ATF2: variants seen among roughly 807,000 people sequenced by gnomAD.
ATF2 encodes the protein cyclic AMP-dependent transcription factor ATF-2.
In ATF2, 24 loss-of-function variants were observed where a neutral mutation model predicts 60.6. The observed-to-expected ratio is 0.40, with a 90% CI of 0.29 to 0.56. ATF2 has a LOEUF of 0.56. Ranked by LOEUF, ATF2 falls within the 20% of genes least tolerant of loss-of-function variation. The pLI is 0.54. For synonymous variants in ATF2, 206 were observed against 215.4 expected (o/e 0.96, Z 0.38); for missense variants, 433 against 607.7 (o/e 0.71, Z 3.02).
chr2:175,107,826 C>G (rs1432843524), intron 10 of ATF2, among the ~76,000 whole-genome samples: 1 of 152,220 alleles, frequency 6.6e-6, no homozygotes, highest in Non-Finnish European at 1.5e-5. Context: ...GCCTCGGCCC[C>G]CCGAGGTGCC....
intron 12 of ATF2, among the ~76,000 whole-genome samples, chr2:175,091,016 T>C (rs1694510290): frequency 1.3e-5 from 2 of 152,242 alleles, no homozygotes; most frequent in African/African-American, 4.8e-5. Flanking sequence ...CAATATCTCA[T>C]TAAAAGGTAT....
chr2:175,108,031 G>A (rs956727495), intron 10 of ATF2, among the ~76,000 whole-genome samples: 4 of 150,392 alleles, frequency 2.7e-5, no homozygotes, highest in African/African-American at 4.9e-5. Context: ...GCCGCCCATC[G>A]TCTGGGATGT....
At chr2:175,160,509 T>A (rs961591218) in intron 1 of ATF2, among the ~76,000 whole-genome samples, 3 of 152,196 alleles carry the variant, frequency 2.0e-5, no homozygotes, top group African/African-American at 7.2e-5. Flanking sequence ...CTACAAAAAA[T>A]ATCCCTCGAC....
At chr2:175,162,969 T>C (rs552119378) in intron 1 of ATF2, among the ~76,000 whole-genome samples, 2 of 151,898 alleles carry the variant, frequency 1.3e-5, no homozygotes, top group African/African-American at 4.8e-5. Flanking sequence ...CCGTCTCTAC[T>C]AAAAATATTA....
intron 2 of ATF2, among the ~76,000 whole-genome samples, chr2:175,149,253 T>A (rs1699150693): frequency 6.6e-6 from 1 of 152,172 alleles, no homozygotes. Flanking sequence ...AAGTGCTGAG[T>A]TCTTCACACT....
At chr2:175,084,548 G>A (rs1472187920) in intron 12 of ATF2, among the ~76,000 whole-genome samples, 2 of 148,420 alleles carry the variant, frequency 1.3e-5, no homozygotes, top group African/African-American at 5.0e-5. Context: ...AATGCTAAAT[G>A]ACGAGTTAAT....
At chr2:175,136,893 T>C (rs1358445144) in intron 2 of ATF2, among the ~76,000 whole-genome samples, 1 of 152,068 alleles carries the variant, frequency 6.6e-6, no homozygotes, top group Non-Finnish European at 1.5e-5. Context: ...CTCAGCCTAA[T>C]TCATCAAAAT....
At chr2:175,140,497 G>A (rs900865581) in intron 2 of ATF2, among the ~76,000 whole-genome samples, 1 of 152,142 alleles carries the variant, frequency 6.6e-6, no homozygotes. Context: ...AGGAGTGGGA[G>A]GGAAGGATTA....
Position 175,084,292 on chromosome 2 carries a change from A to G in ATF2, c.1186-3527T>C, listed in dbSNP as rs1286561859. Among the ~76,000 whole-genome samples the G allele has an allele frequency of 2.6e-5, 4 of 152,118 alleles. No homozygotes were observed. In the East Asian group the frequency reaches 5.8e-4, roughly 22 times the overall value. The stretch of plus-strand genomic sequence containing the variant: ...GATTAAGAAAATGTGGCACATATAC[A>G]CCATGGAATACTATGCAGCCATAAA... On this transcript the variant is annotated intron_variant, in intron 12 of 13. Coordinates refer to ENST00000264110, the MANE Select transcript of ATF2 (RefSeq NM_001880.4).
At chr2:175,147,505 A>T (rs1330659460) in intron 2 of ATF2, among the ~76,000 whole-genome samples, 1 of 152,214 alleles carries the variant, frequency 6.6e-6, no homozygotes, top group Non-Finnish European at 1.5e-5. Context: ...CACGTACTCA[A>T]GTTTCCAAAC....
chr2:175,098,651 C>T (rs1695103419), intron 10 of ATF2, among the ~76,000 whole-genome samples: 1 of 152,122 alleles, frequency 6.6e-6, no homozygotes, highest in African/African-American at 2.4e-5. Flanking sequence ...GTGTTAAGAA[C>T]ACATATTCTT....
chr2:175,104,332 T>C (rs928887872), intron 10 of ATF2, among the ~76,000 whole-genome samples: 5 of 152,204 alleles, frequency 3.3e-5, no homozygotes, highest in African/African-American at 1.2e-4. Context: ...CATAAAGGTC[T>C]AATAAATTCT....
intron 4 of ATF2, among the ~76,000 whole-genome samples, chr2:175,128,046 T>C (rs1697463681): frequency 1.3e-5 from 2 of 152,078 alleles, no homozygotes; most frequent in Admixed American, 6.6e-5. Flanking sequence ...AGCATAAAAG[T>C]TGACAGAGTG....
intron 4 of ATF2, chr2:175,127,207 C>T (rs1697397019): frequency 6.6e-6 from 1 of 152,254 alleles, no homozygotes; most frequent in Admixed American, 6.6e-5. Context: ...CTACTGCACT[C>T]CAGCCCGGGT....
At chr2:175,093,677 T>C (rs1559058393) in intron 11 of ATF2, among the ~76,000 whole-genome samples, 1 of 152,178 alleles carries the variant, frequency 6.6e-6, no homozygotes, top group Admixed American at 6.5e-5. Context: ...CCTATTTAAA[T>C]TCATGATAGA....
chr2:175,138,303 TG>T (rs1698271489), intron 2 of ATF2, among the ~76,000 whole-genome samples: 1 of 152,206 alleles, frequency 6.6e-6, no homozygotes, highest in Admixed American at 6.5e-5. Context: ...GGGGATGTAC[TG>T]GCAAATCAAG....
At chr2:175,157,304 T>A (rs1474792224) in intron 1 of ATF2, among the ~76,000 whole-genome samples, 1 of 152,164 alleles carries the variant, frequency 6.6e-6, no homozygotes, top group East Asian at 1.9e-4. Context: ...CAAACAGCAG[T>A]AATAGGACCT....
intron 9 of ATF2, among the ~76,000 whole-genome samples, chr2:175,112,000 T>C (rs1204881134): frequency 1.3e-5 from 2 of 152,224 alleles, no homozygotes; most frequent in Non-Finnish European, 2.9e-5. Flanking sequence ...TCAAAACTTG[T>C]GACACTTAGG....
intron 2 of ATF2, among the ~76,000 whole-genome samples, chr2:175,148,696 C>T (rs529296597): frequency 7.9e-5 from 12 of 152,278 alleles, no homozygotes; most frequent in Admixed American, 6.5e-4. Context: ...CATTTACAGT[C>T]TATTCTCTTG....
Sources: allele counts gnomAD v4.1 joint callset (sites outside exome capture counted in the v4.1 genomes callset), GRCh38; gene constraint gnomAD v4.1.1; transcripts MANE v1.5; gene names NCBI Gene and HGNC (gene_info 2026-07-23, HGNC 2026-07-21).